Variants in CNTN5 observed in about 807,000 individuals in gnomAD.
CNTN5 encodes contactin-5.
CNTN5 carries 77 observed loss-of-function variants against 129.1 expected under a neutral mutation model. That is an observed-to-expected ratio of 0.60 (90% confidence interval 0.50 to 0.72). The LOEUF is 0.72. Among genes scored for constraint, CNTN5 ranks in the 30% least tolerant of loss-of-function variants. CNTN5 has a pLI of 0.00. For missense variants in CNTN5, 1,478 were observed against 1,328.8 expected (o/e 1.11, Z -1.75); for synonymous variants, 509 against 465.6 (o/e 1.09, Z -1.20).
At chr11:99,778,370 T>C (rs1945198269) in intron 3 of CNTN5, among the ~76,000 whole-genome samples, 1 of 151,808 alleles carries the variant, frequency 6.6e-6, no homozygotes, top group South Asian at 2.1e-4. Flanking sequence ...AGTTAAACTG[T>C]TTTGTGTTTA....
At chr11:99,590,256 A>G (rs1174306179) in intron 3 of CNTN5, among the ~76,000 whole-genome samples, 1 of 152,238 alleles carries the variant, frequency 6.6e-6, no homozygotes, top group Non-Finnish European at 1.5e-5. Flanking sequence ...CATTGATAAT[A>G]ATAAAAATAG....
intron 8 of CNTN5, among the ~76,000 whole-genome samples, chr11:99,987,902 T>A (rs1228210214): frequency 6.6e-6 from 1 of 152,198 alleles, no homozygotes; most frequent in Non-Finnish European, 1.5e-5. Flanking sequence ...TACTGTGTTT[T>A]GTAAGTTTTA....
intron 9 of CNTN5, among the ~76,000 whole-genome samples, chr11:100,013,138 G>T (rs1159719892): frequency 6.6e-6 from 1 of 152,004 alleles, no homozygotes; most frequent in African/African-American, 2.4e-5. Context: ...CAAATAATGT[G>T]TACACATGGG....
At chr11:100,178,228 C>A (rs999273346) in intron 13 of CNTN5, among the ~76,000 whole-genome samples, 2 of 152,120 alleles carry the variant, frequency 1.3e-5, no homozygotes, top group East Asian at 1.9e-4. Flanking sequence ...GTTATTAACT[C>A]GTTTTCCTAA....
chr11:100,061,339 A>C lies in CNTN5; in HGVS notation c.1108A>C (p.Arg370=). 6.2e-7 allele frequency: 1 copy of C among 1,609,032 alleles called. No individual in the cohort carries two copies. The highest frequency in any genetic ancestry group is 8.5e-7 in the Non-Finnish European group (1 of 1,176,012). The change falls in exon 10 of 25, where the codon AGA becomes CGA. Residue 370 remains arginine (R), a synonymous_variant. Transcript: ENST00000524871. ...QLDDAGIYEC[R]AENSRGKNSF... is the part of the protein sequence containing the mutation. ...GGATGATGCAGGCATTTATGAGTGC[A>C]GAGCTGAAAACTCACGTGGAAAAAA...
chr11:99,904,502 T>TG (rs1443411655), intron 6 of CNTN5, among the ~76,000 whole-genome samples: 3 of 152,266 alleles, frequency 2.0e-5, no homozygotes, highest in South Asian at 4.1e-4. Context: ...TAGTATTCCA[T>TG]GGGGTATATG....
intron 1 of CNTN5, among the ~76,000 whole-genome samples, chr11:99,135,008 A>G (rs902765068): frequency 6.6e-6 from 1 of 152,206 alleles, no homozygotes; most frequent in Admixed American, 6.5e-5. Context: ...TAAAATTTCT[A>G]TGATGAACAT....
chr11:99,832,847 T>C (rs1159739530), intron 4 of CNTN5, among the ~76,000 whole-genome samples: 1 of 152,204 alleles, frequency 6.6e-6, no homozygotes, highest in East Asian at 1.9e-4. Context: ...TTAGTTTACA[T>C]TACATGAATA....
At chr11:100,043,879 G>A (rs1166400703) in intron 9 of CNTN5, among the ~76,000 whole-genome samples, 1 of 152,098 alleles carries the variant, frequency 6.6e-6, no homozygotes, top group Admixed American at 6.6e-5. Context: ...AGTTATTACA[G>A]CATTCACTTT....
intron 6 of CNTN5, among the ~76,000 whole-genome samples, chr11:99,864,727 C>T (rs1406845704): frequency 5.3e-5 from 8 of 152,068 alleles, no homozygotes; most frequent in South Asian, 2.1e-4. Context: ...TTATTTGCCT[C>T]GGAGTTTTTG....
At chr11:99,641,282 C>A (rs1286335522) in intron 3 of CNTN5, among the ~76,000 whole-genome samples, 1 of 152,108 alleles carries the variant, frequency 6.6e-6, no homozygotes, top group Non-Finnish European at 1.5e-5. Flanking sequence ...CTGAGTGGAA[C>A]AAAAGGGCCA....
Position 99,408,428 on chromosome 11 carries a change from A to AAAAGAAAGAAAGAAAGAAAGAAAG in CNTN5, c.-71+82965_-71+82966insAAGAAAGAAAGAAAGAAAGAAAGA, listed in dbSNP as rs1156931446. On this transcript the variant is annotated intron_variant, in intron 2 of 24. Coordinates refer to ENST00000524871, the MANE Select transcript of CNTN5 (RefSeq NM_014361.4). ...GAGAGAGAAAGAAAGGAAGGAAAGAAAAAGAAAGAAAGAAAGAAAGAGAAA... is the reference window on the plus strand; with the variant it reads ...GAGAGAGAAAGAAAGGAAGGAAAGAAAAAGAAAGAAAGAAAGAAAGAAAGAAAGAAAGAAAGAAAGAAAGAGAAA... Among the ~76,000 whole-genome samples the AAAAGAAAGAAAGAAAGAAAGAAAG allele has an allele frequency of 8.1e-3, 757 of 93,304 alleles. 20 individuals are homozygous for AAAAGAAAGAAAGAAAGAAAGAAAG. Among genetic ancestry groups the AAAAGAAAGAAAGAAAGAAAGAAAG allele is most frequent in the East Asian group, 0.019 (58 of 3,080 alleles). The allele number at this position is 93,304 out of a possible 152,430, so 61.2% of individuals were successfully genotyped here.
intron 1 of CNTN5, among the ~76,000 whole-genome samples, chr11:99,284,173 G>C (rs994818326): frequency 6.6e-6 from 1 of 152,206 alleles, no homozygotes; most frequent in African/African-American, 2.4e-5. Flanking sequence ...CATACTAGAG[G>C]TGTAATTGTT....
At chr11:99,381,719 C>A (rs1490453198) in intron 2 of CNTN5, among the ~76,000 whole-genome samples, 5 of 152,122 alleles carry the variant, frequency 3.3e-5, no homozygotes, top group African/African-American at 1.2e-4. Flanking sequence ...TTCTAGGACT[C>A]CTATTATTAA....
intron 1 of CNTN5, among the ~76,000 whole-genome samples, chr11:99,290,360 T>C (rs528973604): frequency 6.6e-6 from 1 of 151,972 alleles, no homozygotes; most frequent in East Asian, 1.9e-4. Context: ...TTTATATTCA[T>C]ATATGACCAG....
At chr11:99,114,519 T>C (rs554578665) in intron 1 of CNTN5, among the ~76,000 whole-genome samples, 1 of 151,898 alleles carries the variant, frequency 6.6e-6, no homozygotes, top group South Asian at 2.1e-4. Context: ...CCTTCCTTTT[T>C]ACTCTTTCTT....
chr11:99,088,240 T>C (rs1591171026), intron 1 of CNTN5, among the ~76,000 whole-genome samples: 1 of 152,108 alleles, frequency 6.6e-6, no homozygotes, highest in East Asian at 1.9e-4. Context: ...GCACCAAAGG[T>C]TGATGTGTTC....
chr11:100,298,458 C>T (rs1449825977), intron 19 of CNTN5, among the ~76,000 whole-genome samples: 1 of 151,152 alleles, frequency 6.6e-6, no homozygotes, highest in Non-Finnish European at 1.5e-5. Flanking sequence ...TCTTTGCCAC[C>T]ACTCAATACA....
chr11:99,213,052 G>A (rs567088096), intron 1 of CNTN5, among the ~76,000 whole-genome samples: 4 of 151,692 alleles, frequency 2.6e-5, no homozygotes, highest in South Asian at 2.1e-4. Flanking sequence ...TTAGCTGGGC[G>A]TGGTGGCACA....
Sources: allele counts gnomAD v4.1 joint callset (sites outside exome capture counted in the v4.1 genomes callset), GRCh38; gene constraint gnomAD v4.1.1; transcripts MANE v1.5; gene names NCBI Gene and HGNC (gene_info 2026-07-23, HGNC 2026-07-21).